Variants in EYS observed in about 807,000 individuals in gnomAD.
The protein encoded by EYS is EGF-like photoreceptor maintenance factor, also known as protein eyes shut homolog.
A neutral mutation model predicts 282.1 loss-of-function variants in EYS; 250 were observed. That is an observed-to-expected ratio of 0.89 (90% CI 0.80 to 0.98). The LOEUF (loss-of-function observed/expected upper bound fraction) is 0.98. EYS is among the 50% of genes least tolerant of loss of function. The pLI is 0.00. For missense variants in EYS, 4,016 were observed against 3,709.0 expected (o/e 1.08, Z -2.15); for synonymous variants, 1,355 against 1,282.9 (o/e 1.06, Z -1.20).
intron 12 of EYS, among the ~76,000 whole-genome samples, chr6:65,085,924 C>T (rs1774354162): frequency 8.1e-6 from 1 of 123,036 alleles, no homozygotes; most frequent in South Asian, 2.4e-4. Context: ...TTCTATATTT[C>T]TCTCCCTTCC....
At chr6:65,647,945 A>G (rs1221217782) in intron 1 of EYS, among the ~76,000 whole-genome samples, 1 of 152,184 alleles carries the variant, frequency 6.6e-6, no homozygotes, top group Non-Finnish European at 1.5e-5. Flanking sequence ...TAACATCACT[A>G]ATTATCAGGA....
At chr6:64,609,762 C>T (rs1441609138) in intron 24 of EYS, among the ~76,000 whole-genome samples, 2 of 151,998 alleles carry the variant, frequency 1.3e-5, no homozygotes, top group Non-Finnish European at 2.9e-5. Flanking sequence ...GAACACATGT[C>T]TGTACTTCCA....
chr6:64,126,840 TAC>T (rs920433659), intron 31 of EYS, among the ~76,000 whole-genome samples: 58 of 151,814 alleles, frequency 3.8e-4, no homozygotes, highest in Admixed American at 1.6e-3. Flanking sequence ...AATACATATA[TAC>T]ACACACACAT....
chr6:64,488,067 T>G (rs763758109), intron 26 of EYS, among the ~76,000 whole-genome samples: 15 of 151,110 alleles, frequency 9.9e-5, no homozygotes, highest in Non-Finnish European at 1.6e-4. Flanking sequence ...GTATAGTTCA[T>G]ACTTGATTAA....
At chr6:64,703,023 C>T (rs551533480) in intron 22 of EYS, among the ~76,000 whole-genome samples, 1 of 151,932 alleles carries the variant, frequency 6.6e-6, no homozygotes, top group South Asian at 2.1e-4. Context: ...CAATTTTTTT[C>T]ACACTCTCAA....
intron 31 of EYS, among the ~76,000 whole-genome samples, chr6:64,164,617 T>G (rs1775209748): frequency 1.3e-5 from 2 of 152,112 alleles, no homozygotes. Flanking sequence ...GTGGCAGAGT[T>G]TCTACATGTA....
At chr6:64,674,752 ACG>A (rs1491403102) in intron 22 of EYS, among the ~76,000 whole-genome samples, 10 of 148,414 alleles carry the variant, frequency 6.7e-5, no homozygotes, top group African/African-American at 2.4e-4. Context: ...ACACACACAC[ACG>A]CATATATACA....
chr6:65,371,737 CTCTCTGTG>C (rs1428408536), intron 8 of EYS, among the ~76,000 whole-genome samples: 190 of 43,420 alleles, frequency 4.4e-3, no homozygotes, highest in Middle Eastern at 0.043. Context: ...CTCTCTCTCT[CTCTCTGTG>C]TGTGTGTGTG....
chr6:63,775,303 C>T (rs1770038216), intron 40 of EYS, among the ~76,000 whole-genome samples: 1 of 152,160 alleles, frequency 6.6e-6, no homozygotes, highest in Non-Finnish European at 1.5e-5. Context: ...CCCATCTCAG[C>T]TAAGAGGAAG....
intron 31 of EYS, among the ~76,000 whole-genome samples, chr6:64,151,907 T>A (rs1774753398): frequency 6.6e-6 from 1 of 152,156 alleles, no homozygotes; most frequent in African/African-American, 2.4e-5. Context: ...CACTTTTTCC[T>A]AGATTTTCAT....
At chr6:64,611,852 G>A (rs1187204812) in intron 24 of EYS, among the ~76,000 whole-genome samples, 2 of 152,098 alleles carry the variant, frequency 1.3e-5, no homozygotes, top group African/African-American at 4.8e-5. Flanking sequence ...AAGGATAAAT[G>A]TCAAAACCAC....
chr6:64,962,785 T>C (rs951361879), intron 14 of EYS, among the ~76,000 whole-genome samples: 1 of 151,932 alleles, frequency 6.6e-6, no homozygotes, highest in African/African-American at 2.4e-5. Context: ...GAGAGAAATA[T>C]AGAACAAGTG....
At chr6:64,286,431 T>C (rs192667783) in intron 30 of EYS, among the ~76,000 whole-genome samples, 281 of 152,310 alleles carry the variant, frequency 1.8e-3, no homozygotes, top group African/African-American at 6.4e-3. Flanking sequence ...AATTGAGAGT[T>C]AGTTAAATAT....
At chr6:65,019,900 G>A (rs1488612015) in intron 13 of EYS, among the ~76,000 whole-genome samples, 1 of 129,702 alleles carries the variant, frequency 7.7e-6, no homozygotes, top group Admixed American at 7.3e-5. Context: ...TCTTCACATG[G>A]CGGCAGCAAG....
intron 8 of EYS, among the ~76,000 whole-genome samples, chr6:65,381,187 T>C (rs1326719027): frequency 6.6e-6 from 1 of 152,124 alleles, no homozygotes; most frequent in African/African-American, 2.4e-5. Flanking sequence ...TGCAGCACTA[T>C]TTACAACAGC....
chr6:64,624,283 C>T (rs1310836674), intron 23 of EYS, among the ~76,000 whole-genome samples: 1 of 151,996 alleles, frequency 6.6e-6, no homozygotes, highest in East Asian at 1.9e-4. Context: ...TAATCTAGCA[C>T]CTGTAAGATG....
intron 8 of EYS, among the ~76,000 whole-genome samples, chr6:65,381,227 C>A (rs545477351): frequency 2.0e-5 from 3 of 152,148 alleles, no homozygotes; most frequent in African/African-American, 7.2e-5. Context: ...AAATGCCCAT[C>A]AATGATAGGC....
intron 30 of EYS, among the ~76,000 whole-genome samples, chr6:64,259,124 C>G (rs1407226827): frequency 6.6e-6 from 1 of 152,030 alleles, no homozygotes; most frequent in Non-Finnish European, 1.5e-5. Flanking sequence ...ACCTGCTCTT[C>G]CAGGTATATC....
intron 28 of EYS, among the ~76,000 whole-genome samples, chr6:64,408,390 C>T (rs1479418572): frequency 2.0e-5 from 3 of 152,028 alleles, no homozygotes; most frequent in South Asian, 4.1e-4. Flanking sequence ...AGAGAGGATG[C>T]CTAAGAACAA....
Sources: allele counts gnomAD v4.1 joint callset (sites outside exome capture counted in the v4.1 genomes callset), GRCh38; gene constraint gnomAD v4.1.1; transcripts MANE v1.5; gene names NCBI Gene and HGNC (gene_info 2026-07-23, HGNC 2026-07-21).